The following GRM8 variants were observed in gnomAD, a reference collection of about 807,000 sequenced individuals.
The protein encoded by GRM8 is glutamate metabotropic receptor 8.
A neutral mutation model predicts 87.2 loss-of-function variants in GRM8; 47 were observed. That is an observed-to-expected ratio of 0.54 (90% CI 0.43 to 0.69). The LOEUF is 0.69. GRM8 is among the 30% of genes least tolerant of loss of function. GRM8 has a pLI of 0.00. For missense variants in GRM8, 1,019 were observed against 1,139.2 expected (o/e 0.89, Z 1.52); for synonymous variants, 396 against 404.5 (o/e 0.98, Z 0.25).
intron 9 of GRM8, among the ~76,000 whole-genome samples, chr7:126,452,930 T>G (rs1175761098): frequency 6.6e-6 from 1 of 151,728 alleles, no homozygotes; most frequent in Non-Finnish European, 1.5e-5. Flanking sequence ...ATATATTAAT[T>G]AATAAGGGAT....
chr7:127,212,646 T>G (rs1434208533), intron 2 of GRM8, among the ~76,000 whole-genome samples: 4 of 152,102 alleles, frequency 2.6e-5, no homozygotes, highest in South Asian at 2.1e-4. Context: ...CTCGATCTCC[T>G]GACCTCGTGA....
chr7:126,878,519 CTT>C (rs35669727), intron 6 of GRM8, among the ~76,000 whole-genome samples: 2,934 of 130,988 alleles, frequency 0.022, 69 homozygotes, highest in African/African-American at 0.079. Context: ...TCGTCTTCTT[CTT>C]TTTTTTTTTT....
chr7:126,522,449 C>T (rs1813125421), intron 9 of GRM8, among the ~76,000 whole-genome samples: 1 of 152,188 alleles, frequency 6.6e-6, no homozygotes, highest in Admixed American at 6.5e-5. Context: ...GAAGTACAAA[C>T]ATGGCATAAA....
At chr7:127,139,480 T>G (rs1828138095) in intron 2 of GRM8, among the ~76,000 whole-genome samples, 1 of 152,040 alleles carries the variant, frequency 6.6e-6, no homozygotes, top group Non-Finnish European at 1.5e-5. Context: ...CATAATCAAG[T>G]CTAAGTAGAT....
At chr7:126,936,046 G>A (rs2067052) in intron 3 of GRM8, among the ~76,000 whole-genome samples, 58,156 of 151,940 alleles carry the variant, frequency 0.38, 11,439 homozygotes, top group East Asian at 0.66. Context: ...TATCTGGGCT[G>A]GCAACAATGG....
chr7:126,963,405 T>G (rs982119460), intron 3 of GRM8, among the ~76,000 whole-genome samples: 2 of 152,174 alleles, frequency 1.3e-5, no homozygotes, highest in African/African-American at 4.8e-5. Flanking sequence ...AGAGATGACA[T>G]GATTATATAT....
intron 9 of GRM8, chr7:126,511,375 C>T (rs1003756059): frequency 1.3e-5 from 2 of 152,102 alleles, no homozygotes; most frequent in African/African-American, 2.4e-5. Context: ...ATCATCTCAG[C>T]AATACATCTC....
chr7:126,696,045 T>C (rs1809344747), intron 7 of GRM8, among the ~76,000 whole-genome samples: 1 of 152,116 alleles, frequency 6.6e-6, no homozygotes, highest in Non-Finnish European at 1.5e-5. Context: ...AGGTAAAATG[T>C]GATGACGTTC....
intron 3 of GRM8, among the ~76,000 whole-genome samples, chr7:126,977,159 A>C (rs1811076152): frequency 6.6e-6 from 1 of 152,206 alleles, no homozygotes. Context: ...AAAAATTTTA[A>C]ATATTTTCAG....
chr7:126,942,014 A>C (rs1806999657), intron 3 of GRM8, among the ~76,000 whole-genome samples: 1 of 152,206 alleles, frequency 6.6e-6, no homozygotes, highest in African/African-American at 2.4e-5. Context: ...TGGAGTAAAA[A>C]CTTGAGAGAA....
chr7:126,878,320 TCA>T (rs1377256007), intron 6 of GRM8, among the ~76,000 whole-genome samples: 3 of 152,286 alleles, frequency 2.0e-5, no homozygotes, highest in African/African-American at 7.2e-5. Context: ...TATCTCCATT[TCA>T]CAGAGGCTGA....
intron 7 of GRM8, among the ~76,000 whole-genome samples, chr7:126,639,280 C>T (rs1802149886): frequency 6.6e-6 from 1 of 152,148 alleles, no homozygotes; most frequent in Non-Finnish European, 1.5e-5. Flanking sequence ...TATGAGGTCA[C>T]AAATTGTAAG....
intron 6 of GRM8, among the ~76,000 whole-genome samples, chr7:126,814,285 G>A (rs940607622): frequency 1.1e-4 from 17 of 151,992 alleles, no homozygotes; most frequent in Non-Finnish European, 1.5e-4. Context: ...TTCAACAGGA[G>A]ATCCTGATTA....
intron 8 of GRM8, among the ~76,000 whole-genome samples, chr7:126,590,550 T>C (rs1796580110): frequency 6.6e-6 from 1 of 152,066 alleles, no homozygotes; most frequent in Non-Finnish European, 1.5e-5. Flanking sequence ...CATAAAAAGA[T>C]TATCACCTAT....
At chr7:126,905,071 T>C (rs191094579) in intron 3 of GRM8, among the ~76,000 whole-genome samples, 2 of 152,342 alleles carry the variant, frequency 1.3e-5, no homozygotes. Flanking sequence ...TTGAGACCCT[T>C]ATTAAGTAGC....
At chr7:126,548,727 G>A (rs1817449807) in intron 8 of GRM8, among the ~76,000 whole-genome samples, 1 of 152,166 alleles carries the variant, frequency 6.6e-6, no homozygotes, top group African/African-American at 2.4e-5. Flanking sequence ...AGTAGAAAGT[G>A]TGAGCAAGTT....
intron 9 of GRM8, among the ~76,000 whole-genome samples, chr7:126,489,712 GTTAAC>G (rs1266842451): frequency 2.6e-5 from 4 of 151,942 alleles, no homozygotes; most frequent in Non-Finnish European, 4.4e-5. Context: ...ACTTTTATGT[GTTAAC>G]TTAACTAGAC....
intron 2 of GRM8, among the ~76,000 whole-genome samples, chr7:127,185,701 T>C (rs1476795667): frequency 6.6e-6 from 1 of 152,194 alleles, no homozygotes; most frequent in Non-Finnish European, 1.5e-5. Flanking sequence ...GTGTCAATAT[T>C]GTTTAAGAGA....
At chr7:126,903,565 TACACACACACACACACACACAC>T in intron 5 of GRM8, among the ~76,000 whole-genome samples, 1 of 118,570 alleles carries the variant, frequency 8.4e-6, no homozygotes, top group African/African-American at 3.3e-5. Flanking sequence ...CCTAAATACA[TACACACACACACACACACACAC>T]ACACACACAC....
Sources: allele counts gnomAD v4.1 joint callset (sites outside exome capture counted in the v4.1 genomes callset), GRCh38; gene constraint gnomAD v4.1.1; transcripts MANE v1.5; gene names NCBI Gene and HGNC (gene_info 2026-07-23, HGNC 2026-07-21).